WDR1: variants seen among roughly 807,000 people sequenced by gnomAD.
WDR1 encodes the protein WD repeat-containing protein 1.
WDR1 carries 21 observed loss-of-function variants against 71.9 expected under a neutral mutation model. The ratio of observed to expected loss-of-function variants is 0.29; its 90% CI spans 0.21 to 0.42. The LOEUF is 0.42. Ranked by LOEUF, WDR1 falls within the 10% of genes least tolerant of loss-of-function variation. The pLI, the probability that WDR1 is intolerant of heterozygous loss-of-function variation, is 1.00. For missense variants in WDR1, 696 were observed against 824.5 expected (o/e 0.84, Z 1.91); for synonymous variants, 424 against 347.4 (o/e 1.22, Z -2.45).
rs1764754099 is a variant in WDR1, at chr4:10,075,231, G to A, written c.*147C>T. ...GAAGAACGTGTACAGACACCCTGCA[G>A]AGACGAGGGTCATGACTGGGCCCTC... On this transcript the variant is annotated 3_prime_UTR_variant, in exon 15 of 15. Transcript: ENST00000499869. 3.8e-5 allele frequency: 25 copies of A among 657,250 alleles called. No homozygotes were observed. In the South Asian group the frequency reaches 4.1e-4, roughly 11 times the overall value. 40.7% of individuals were successfully genotyped at this position (657,250 alleles called of 1,614,324 possible).
chr4:10,100,479 G>A (rs1712620705), intron 3 of WDR1, among the ~76,000 whole-genome samples: 3 of 152,382 alleles, frequency 2.0e-5, no homozygotes, highest in South Asian at 2.1e-4. Context: ...GCTCTACACA[G>A]GCCACGAAGA....
Position 10,083,098 on chromosome 4 carries a change from C to T in WDR1, c.1120G>A (p.Asp374Asn). The T allele has an allele frequency of 6.2e-7, 1 of 1,613,930 alleles. No individual in the cohort carries two copies. Among genetic ancestry groups the T allele is most frequent in the Non-Finnish European group, 8.5e-7 (1 of 1,179,882 alleles). ...HTNQVSRMTV[D>N]ESGQLISCSM... ...CAGCTGATGAGCTGCCCCGACTCAT[C>T]CACGGTCATCCTGGACACCTGGTTC... The change falls in exon 10 of 15, where the codon GAT (aspartate) becomes AAT (asparagine). Residue 374 changes from aspartate (D) to asparagine (N), a missense_variant. Transcript: ENST00000499869.
intron 3 of WDR1, among the ~76,000 whole-genome samples, chr4:10,099,547 C>T (rs1026920999): frequency 1.3e-5 from 2 of 152,250 alleles, no homozygotes; most frequent in Non-Finnish European, 2.9e-5. Flanking sequence ...GTGTGGGCCT[C>T]AGGCCACCTT....
intron 7 of WDR1, 118 bp from the exon 8 acceptor site, chr4:10,088,058 G>T (rs1006130647): frequency 6.5e-6 from 7 of 1,075,096 alleles, no homozygotes; most frequent in Non-Finnish European, 8.0e-6. Flanking sequence ...CAGAGAGAGG[G>T]TGGGACATGA....
In WDR1 at chr4:10,099,154, G is replaced by C; in HGVS notation, c.230-15C>G. On this transcript the variant is annotated splice_polypyrimidine_tract_variant and intron_variant, in intron 3 of 14. Transcript: ENST00000499869. Reference sequence around the variant, plus strand: ...CCCAGACACATCTGTGGGGCACAGCGGGCGGGGGAGGGGGGGAGGCGGTGG... The same window carrying C: ...CCCAGACACATCTGTGGGGCACAGCCGGCGGGGGAGGGGGGGAGGCGGTGG... 2 of 1,573,754 alleles carry C rather than the reference G, an allele frequency of 1.3e-6. No individual in the cohort carries two copies. The highest frequency in any genetic ancestry group is 1.7e-6 in the Non-Finnish European group (2 of 1,149,232).
chr4:10,088,667 GC>G lies in WDR1; in HGVS notation c.632del (p.Gly211AlafsTer55). The G allele has an allele frequency of 6.2e-7, 1 of 1,603,886 alleles. No homozygotes were observed. The highest frequency in any genetic ancestry group is 1.7e-5 in the Admixed American group (1 of 58,812). The part of the protein sequence containing the change: ...GNRFATASAD[G>X]QIYIYDGKTG... ...CAAAACCCATCCCAGTTCTTACCTG[GC>G]CGTCAGCACTGGCTGTGGCAAATCT... On this transcript the variant is annotated frameshift_variant, in exon 6 of 15. Coordinates refer to ENST00000499869, the MANE Select transcript of WDR1 (RefSeq NM_017491.5). LOFTEE classifies it high-confidence loss of function.
chr4:10,093,867 G>A (rs779850274), intron 5 of WDR1, among the ~76,000 whole-genome samples: 2 of 152,252 alleles, frequency 1.3e-5, no homozygotes, highest in African/African-American at 4.8e-5. Flanking sequence ...GCCCTGTCTT[G>A]AGTGAGGAAA....
chr4:10,083,178 T>G lies in WDR1; in HGVS notation c.1040A>C (p.Asn347Thr). The G allele has an allele frequency of 6.2e-7, 1 of 1,613,156 alleles. No homozygotes were observed. Among genetic ancestry groups the G allele is most frequent in the South Asian group, 1.1e-5 (1 of 90,940 alleles). Reference sequence around the variant, plus strand: ...CTCCCCCGTCTCTGAATCCCAGTAATGTAGGGTGGGGTTAAGGAAAAGCCC... The same window carrying G: ...CTCCCCCGTCTCTGAATCCCAGTAAGGTAGGGTGGGGTTAAGGAAAAGCCC... ...IYSGSHDGHINYWDSETGEND... is the reference protein window; with the variant it reads ...IYSGSHDGHITYWDSETGEND... The change falls in exon 10 of 15, where the codon AAT becomes ACT. Residue 347 changes from asparagine (N) to threonine (T), a missense_variant and splice_region_variant. Transcript: ENST00000499869.
chr4:10,078,567 C>T (rs1764886682), intron 12 of WDR1: 1 of 247,060 alleles, frequency 4.0e-6, no homozygotes, highest in Non-Finnish European at 7.8e-6. Context: ...CTTGCGCTCC[C>T]CTCCTGCCGC....
intron 11 of WDR1, among the ~76,000 whole-genome samples, chr4:10,080,130 C>G (rs12640847): frequency 1.3e-5 from 2 of 152,034 alleles, no homozygotes; most frequent in African/African-American, 4.8e-5. Flanking sequence ...CACCACAACC[C>G]TACCGGGGTC....
chr4:10,084,561 T>C (rs185978425), intron 8 of WDR1, 31 bp from the exon 9 acceptor site: 5 of 1,604,508 alleles, frequency 3.1e-6, no homozygotes, highest in African/African-American at 2.7e-5. Flanking sequence ...GCGGGTAAGC[T>C]GATGACACAC....
At chr4:10,088,790 T>A (rs764693759) in intron 5 of WDR1, 49 bp from the exon 6 acceptor site, 1 of 1,420,412 alleles carries the variant, frequency 7.0e-7, no homozygotes, top group Admixed American at 2.0e-5. Context: ...GGCCTGACTC[T>A]AGGTTCAAGA....
intron 2 of WDR1, among the ~76,000 whole-genome samples, chr4:10,106,983 C>T (rs886118413): frequency 3.9e-5 from 6 of 152,180 alleles, no homozygotes; most frequent in Non-Finnish European, 7.3e-5. Flanking sequence ...AGCCTCCTCC[C>T]CCTCCTTCCA....
intron 5 of WDR1, chr4:10,092,499 T>TA: frequency 6.5e-6 from 1 of 153,688 alleles, no homozygotes; most frequent in Admixed American, 6.4e-5. Context: ...CCACAGGCTC[T>TA]GGCAGGGTGG....
At chr4:10,097,944 C>G in intron 4 of WDR1, 53 bp from the exon 5 acceptor site, 1 of 1,422,516 alleles carries the variant, frequency 7.0e-7, no homozygotes, top group Non-Finnish European at 9.4e-7. Flanking sequence ...AAATCAATCC[C>G]AGAAGGCTGG....
intron 2 of WDR1, among the ~76,000 whole-genome samples, chr4:10,107,944 A>T (rs940267836): frequency 2.0e-5 from 3 of 152,162 alleles, no homozygotes; most frequent in Non-Finnish European, 2.9e-5. Context: ...ACTCTGTCAC[A>T]CTATGCTCAG....
chr4:10,114,208 A>C (rs1713568134), intron 2 of WDR1, among the ~76,000 whole-genome samples: 1 of 152,222 alleles, frequency 6.6e-6, no homozygotes, highest in African/African-American at 2.4e-5. Context: ...CAGAAACTTA[A>C]AAATAATTGA....
chr4:10,113,821 G>A (rs1713539391), intron 2 of WDR1, among the ~76,000 whole-genome samples: 1 of 152,360 alleles, frequency 6.6e-6, no homozygotes, highest in Non-Finnish European at 1.5e-5. Context: ...AGGAGTCCAA[G>A]GTTTGGGGCC....
intron 2 of WDR1, among the ~76,000 whole-genome samples, chr4:10,107,592 C>G (rs1005708538): frequency 8.5e-5 from 13 of 152,324 alleles, no homozygotes; most frequent in African/African-American, 2.9e-4. Context: ...GAGGATAGAA[C>G]AGGTGCAGCC....
Sources: allele counts gnomAD v4.1 joint callset (sites outside exome capture counted in the v4.1 genomes callset), GRCh38; gene constraint gnomAD v4.1.1; transcripts MANE v1.5; gene names NCBI Gene and HGNC (gene_info 2026-07-23, HGNC 2026-07-21).